SNTG1: variants seen among roughly 807,000 people sequenced by gnomAD.
The protein encoded by SNTG1 is syntrophin gamma 1.
SNTG1 carries 39 observed loss-of-function variants against 74.7 expected under a neutral mutation model. The ratio of observed to expected loss-of-function variants is 0.52; its 90% CI spans 0.40 to 0.68. The LOEUF is 0.68. Ranked by LOEUF, SNTG1 falls within the 30% of genes least tolerant of loss-of-function variation. The pLI is 0.00. For missense variants in SNTG1, 685 were observed against 609.5 expected, an observed-to-expected ratio of 1.12 and a Z score of -1.30; for synonymous variants, 254 against 217.1, an observed-to-expected ratio of 1.17 and a Z score of -1.49.
intron 1 of SNTG1, among the ~76,000 whole-genome samples, chr8:49,930,478 AT>A (rs1331427094): frequency 2.2e-5 from 2 of 90,904 alleles, no homozygotes; most frequent in Non-Finnish European, 5.5e-5. Context: ...GACTTTCTTA[AT>A]CTGATGAAGG....
chr8:50,009,105 T>A (rs1250762510), intron 1 of SNTG1, among the ~76,000 whole-genome samples: 1 of 152,180 alleles, frequency 6.6e-6, no homozygotes, highest in African/African-American at 2.4e-5. Context: ...ATAATATCTA[T>A]AACTATTTCA....
intron 1 of SNTG1, among the ~76,000 whole-genome samples, chr8:50,034,382 G>A (rs1817978566): frequency 6.6e-6 from 1 of 152,232 alleles, no homozygotes; most frequent in Non-Finnish European, 1.5e-5. Flanking sequence ...TAGAAAACAA[G>A]CAAGGTTGTC....
At chr8:50,354,449 A>G (rs2091761791) in intron 2 of SNTG1, among the ~76,000 whole-genome samples, 2 of 152,024 alleles carry the variant, frequency 1.3e-5, no homozygotes, top group Non-Finnish European at 2.9e-5. Flanking sequence ...ATGGGATAAC[A>G]TTTTCTATAT....
chr8:49,974,510 A>T (rs1422757168), intron 1 of SNTG1, among the ~76,000 whole-genome samples: 1 of 152,106 alleles, frequency 6.6e-6, no homozygotes, highest in Non-Finnish European at 1.5e-5. Flanking sequence ...TCTTTCAACT[A>T]TTTCTCAAGA....
At chr8:50,598,042 T>C (rs1439241909) in intron 13 of SNTG1, among the ~76,000 whole-genome samples, 1 of 151,844 alleles carries the variant, frequency 6.6e-6, no homozygotes, top group Non-Finnish European at 1.5e-5. Context: ...TTCGTTTGTT[T>C]GTTTTTGTTT....
At chr8:50,636,112 ACT>A (rs35381459) in intron 13 of SNTG1, among the ~76,000 whole-genome samples, 76,574 of 150,110 alleles carry the variant, frequency 0.51, 21,608 homozygotes, top group East Asian at 0.65. Context: ...GTTCCTCATG[ACT>A]CTGCCTGAGG....
intron 2 of SNTG1, among the ~76,000 whole-genome samples, chr8:50,271,274 T>C (rs1397477460): frequency 6.6e-6 from 1 of 152,194 alleles, no homozygotes; most frequent in African/African-American, 2.4e-5. Context: ...ATAATGATAG[T>C]GACATTTACT....
chr8:49,957,952 TA>T (rs1270527337), intron 1 of SNTG1, among the ~76,000 whole-genome samples: 3 of 151,950 alleles, frequency 2.0e-5, no homozygotes, highest in African/African-American at 7.3e-5. Flanking sequence ...AACAAATAAA[TA>T]AACATTATTC....
intron 13 of SNTG1, among the ~76,000 whole-genome samples, chr8:50,620,095 T>G (rs990608542): frequency 1.1e-4 from 16 of 152,100 alleles, no homozygotes; most frequent in Non-Finnish European, 4.4e-5. Context: ...CCAGGGGATC[T>G]AAGGGAGACT....
intron 1 of SNTG1, among the ~76,000 whole-genome samples, chr8:50,159,404 G>A (rs2082347985): frequency 6.6e-6 from 1 of 152,046 alleles, no homozygotes. Context: ...GTTGGCTTAG[G>A]ACAGGTTTAG....
intron 2 of SNTG1, among the ~76,000 whole-genome samples, chr8:50,216,270 C>T (rs1159629812): frequency 6.6e-6 from 1 of 152,088 alleles, no homozygotes; most frequent in Non-Finnish European, 1.5e-5. Flanking sequence ...TTAGTTTTAC[C>T]TTCCCTCTCA....
At chr8:50,158,395 A>G (rs899355575) in intron 1 of SNTG1, among the ~76,000 whole-genome samples, 1 of 152,164 alleles carries the variant, frequency 6.6e-6, no homozygotes, top group African/African-American at 2.4e-5. Flanking sequence ...GTATAGGAAG[A>G]TGACCATCAG....
chr8:50,317,898 G>A (rs1258107284), intron 2 of SNTG1, among the ~76,000 whole-genome samples: 2 of 151,986 alleles, frequency 1.3e-5, no homozygotes, highest in Non-Finnish European at 2.9e-5. Flanking sequence ...GTGCAGTGGC[G>A]CAATCTCTGC....
intron 17 of SNTG1, among the ~76,000 whole-genome samples, chr8:50,720,062 G>A (rs1038000090): frequency 6.6e-6 from 1 of 152,038 alleles, no homozygotes; most frequent in Non-Finnish European, 1.5e-5. Context: ...TAGGCAACTG[G>A]CCCAATGATA....
At chr8:50,124,986 T>C (rs2081096374) in intron 1 of SNTG1, among the ~76,000 whole-genome samples, 2 of 142,130 alleles carry the variant, frequency 1.4e-5, no homozygotes, top group Admixed American at 1.5e-4. Context: ...CTCATAAATG[T>C]TACTATAAGA....
intron 2 of SNTG1, among the ~76,000 whole-genome samples, chr8:50,189,809 T>C (rs543761761): frequency 7.9e-5 from 12 of 152,272 alleles, no homozygotes; most frequent in Admixed American, 1.3e-4. Flanking sequence ...ATAGTGTTTT[T>C]CAAAAAACTA....
rs569224425 is a variant in SNTG1 at position 50,318,171 on chromosome 8, C to T, written c.-27-76041C>T. 8.9e-4 allele frequency among the ~76,000 whole-genome samples: 136 copies of T among 152,172 alleles called. 1 individual carries two copies. The highest frequency in any genetic ancestry group is 3.1e-3 in the African/African-American group (129 of 41,540). Reference sequence around the variant, plus strand: ...TGAGTTGTAATTACTACAGGCTTGTCTTGCTCCCTGGACTTGAGAGTAGGA... The same window carrying T: ...TGAGTTGTAATTACTACAGGCTTGTTTTGCTCCCTGGACTTGAGAGTAGGA... On this transcript the variant is annotated intron_variant, in intron 2 of 18. Transcript: ENST00000642720.
At chr8:50,558,677 A>T (rs1447966889) in intron 12 of SNTG1, among the ~76,000 whole-genome samples, 1 of 151,872 alleles carries the variant, frequency 6.6e-6, no homozygotes, top group African/African-American at 2.4e-5. Context: ...AGCAATAGAT[A>T]CTTTTAATAG....
Position 50,269,761 on chromosome 8 carries a change from C to T in SNTG1, c.-28+97126C>T, listed in dbSNP as rs559610282. 3.3e-5 allele frequency among the ~76,000 whole-genome samples: 5 copies of T among 152,066 alleles called. No homozygotes were observed. In the South Asian group the frequency reaches 1.0e-3, roughly 32 times the overall value. On this transcript the variant is annotated intron_variant, in intron 2 of 18. Transcript: ENST00000642720. ...AAAGAGAAAAAAAACAGAGTTTTTTCCTTCAAGGATTCTGTAAGGTAGTCA... is the reference window on the plus strand; with the variant it reads ...AAAGAGAAAAAAAACAGAGTTTTTTTCTTCAAGGATTCTGTAAGGTAGTCA...
Sources: gnomAD v4.1 joint callset for allele counts (sites outside exome capture counted in the v4.1 genomes callset) on GRCh38, gnomAD v4.1.1 for gene constraint, MANE v1.5 for transcripts, NCBI Gene and HGNC (gene_info 2026-07-23, HGNC 2026-07-21) for gene names.